The following SLC4A4 variants were observed in gnomAD, a reference collection of about 807,000 sequenced individuals.
The protein encoded by SLC4A4 is electrogenic sodium bicarbonate cotransporter 1.
SLC4A4 carries 27 observed loss-of-function variants against 111.5 expected under a neutral mutation model. The observed-to-expected ratio is 0.24, with a 90% CI of 0.18 to 0.33. SLC4A4 has a LOEUF of 0.33. SLC4A4 is among the 10% of genes least tolerant of loss of function. The pLI is 1.00. For missense variants in SLC4A4, 909 were observed against 1,315.5 expected, an observed-to-expected ratio of 0.69 and a Z score of 4.78; for synonymous variants, 443 against 463.4, an observed-to-expected ratio of 0.96 and a Z score of 0.57.
chr4:71,146,589 C>T lies in SLC4A4; in HGVS notation c.-2+53797C>T, dbSNP rs936879242. Among the ~76,000 whole-genome samples, 6 of 152,234 alleles carry T rather than the reference C, an allele frequency of 3.9e-5. No individual in the cohort carries two copies. In the East Asian group the frequency reaches 5.8e-4, roughly 15 times the overall value. ...TATTATTGTGTGGGAGTCTAAGTCT[C>T]TTTGAAGGTCACTAAGGACTTGCTT... On this transcript the variant is annotated intron_variant, in intron 2 of 26. Transcript: ENST00000649996.
intron 12 of SLC4A4, among the ~76,000 whole-genome samples, chr4:71,462,995 T>C (rs535362368): frequency 3.9e-5 from 6 of 152,268 alleles, no homozygotes; most frequent in Non-Finnish European, 8.8e-5. Flanking sequence ...TGAGGTGAAG[T>C]GACATTTCTA....
At chr4:71,478,684 T>G (rs552595116) in intron 14 of SLC4A4, among the ~76,000 whole-genome samples, 19 of 151,778 alleles carry the variant, frequency 1.3e-4, no homozygotes, top group Non-Finnish European at 2.5e-4. Context: ...CAAACCACCA[T>G]GGCACATGTA....
chr4:71,451,449 T>C, intron 11 of SLC4A4, 148 bp downstream of exon 11: 1 of 709,022 alleles, frequency 1.4e-6, no homozygotes, highest in South Asian at 1.5e-5. Context: ...GCACTGGGAA[T>C]ATAGCAGTGA....
intron 7 of SLC4A4, among the ~76,000 whole-genome samples, chr4:71,427,835 G>A (rs971222063): frequency 6.6e-6 from 1 of 152,082 alleles, no homozygotes; most frequent in African/African-American, 2.4e-5. Context: ...GGGATTCACA[G>A]TCTCAGAGAT....
upstream of SLC4A4, among the ~76,000 whole-genome samples, chr4:71,182,328 G>T (rs1049617463): frequency 1.3e-5 from 2 of 152,170 alleles, no homozygotes; most frequent in Non-Finnish European, 2.9e-5. Flanking sequence ...TTAATATTCA[G>T]ATTTTGATTT....
At chr4:71,384,484 T>C (rs971996957) in intron 6 of SLC4A4, among the ~76,000 whole-genome samples, 26 of 152,006 alleles carry the variant, frequency 1.7e-4, no homozygotes, top group Non-Finnish European at 3.2e-4. Context: ...GTTTACTGCA[T>C]GAGGAAGCCA....
intron 2 of SLC4A4, among the ~76,000 whole-genome samples, chr4:71,142,826 T>C (rs972304406): frequency 2.7e-5 from 4 of 147,092 alleles, no homozygotes; most frequent in Non-Finnish European, 1.5e-5. Flanking sequence ...CCCATGCCCA[T>C]GACCCTGCCA....
chr4:71,166,775 C>T (rs1744789050), intron 2 of SLC4A4, among the ~76,000 whole-genome samples: 1 of 152,188 alleles, frequency 6.6e-6, no homozygotes, highest in Non-Finnish European at 1.5e-5. Flanking sequence ...TTGTCTGTCT[C>T]ATAGTTACCA....
chr4:71,066,340 C>A (rs565995710), intron 1 of SLC4A4, among the ~76,000 whole-genome samples: 15 of 152,266 alleles, frequency 9.9e-5, no homozygotes, highest in Non-Finnish European at 1.9e-4. Context: ...TTCCTTATAA[C>A]AGCTTTGTGA....
At chr4:71,547,837 C>A in intron 20 of SLC4A4, 117 bp downstream of exon 20, 1 of 880,718 alleles carries the variant, frequency 1.1e-6, no homozygotes, top group Non-Finnish European at 1.9e-6. Context: ...CTGTAACACA[C>A]TGAAGCAGGG....
At chr4:71,371,208 A>G (rs150559932) in intron 6 of SLC4A4, among the ~76,000 whole-genome samples, 77 of 136,828 alleles carry the variant, frequency 5.6e-4, no homozygotes, top group Non-Finnish European at 1.0e-3. Context: ...TCCTACCTCC[A>G]TGTTTTTGTT....
chr4:71,290,676 A>T (rs1481221900), intron 3 of SLC4A4, among the ~76,000 whole-genome samples: 4 of 152,216 alleles, frequency 2.6e-5, no homozygotes, highest in Admixed American at 2.6e-4. Flanking sequence ...TTCAAGGGAA[A>T]TGGTGAGGTC....
chr4:71,153,183 G>A lies in SLC4A4; in HGVS notation c.-2+60391G>A, dbSNP rs989522405. Among the ~76,000 whole-genome samples, 4 of 151,964 alleles carry A rather than the reference G, an allele frequency of 2.6e-5. No homozygotes were observed. The East Asian group carries it at 7.8e-4, about 30-fold the overall frequency. On this transcript the variant is annotated intron_variant, in intron 2 of 26. Coordinates refer to the SLC4A4 transcript ENST00000649996. ...CTGAAGAACCTGGAGTCTGATGTTT[G>A]AGGGCAGGAAGCATCCAGTACAGGA...
At chr4:71,189,093 G>C (rs1368929393) in intron 1 of SLC4A4, among the ~76,000 whole-genome samples, 1 of 152,142 alleles carries the variant, frequency 6.6e-6, no homozygotes, top group Admixed American at 6.5e-5. Context: ...ACATTTGTAG[G>C]AGTGGGGGTG....
At chr4:71,333,255 A>G (rs1486151346) in intron 3 of SLC4A4, among the ~76,000 whole-genome samples, 2 of 152,264 alleles carry the variant, frequency 1.3e-5, no homozygotes, top group African/African-American at 4.8e-5. Flanking sequence ...CAGCACCATA[A>G]GCCCAGTAAT....
At chr4:71,271,938 A>C (rs1421734135) in intron 3 of SLC4A4, among the ~76,000 whole-genome samples, 1 of 152,248 alleles carries the variant, frequency 6.6e-6, no homozygotes, top group African/African-American at 2.4e-5. Flanking sequence ...AATGATAAGG[A>C]AACTCATCCT....
chr4:71,451,611 A>G (rs905950776), intron 11 of SLC4A4, among the ~76,000 whole-genome samples: 3 of 152,158 alleles, frequency 2.0e-5, no homozygotes, highest in Non-Finnish European at 2.9e-5. Context: ...CCAATTTTAG[A>G]TAAGAGTGGT....
chr4:71,185,926 C>A (rs974962943), upstream of SLC4A4, among the ~76,000 whole-genome samples: 1 of 152,200 alleles, frequency 6.6e-6, no homozygotes, highest in Non-Finnish European at 1.5e-5. Context: ...GTGATGTCCA[C>A]ATACACATTA....
At chr4:71,260,660 CTT>C (rs1219025236) in intron 3 of SLC4A4, among the ~76,000 whole-genome samples, 1 of 152,154 alleles carries the variant, frequency 6.6e-6, no homozygotes, top group Non-Finnish European at 1.5e-5. Flanking sequence ...AGAAGGGACA[CTT>C]GTGTTGTAAT....
Sources: gnomAD v4.1 joint callset for allele counts (sites outside exome capture counted in the v4.1 genomes callset) on GRCh38, gnomAD v4.1.1 for gene constraint, MANE v1.5 for transcripts, NCBI Gene and HGNC (gene_info 2026-07-23, HGNC 2026-07-21) for gene names.